RNF19A: variants seen among roughly 807,000 people sequenced by gnomAD.
RNF19A encodes ring finger protein 19A, RBR E3 ubiquitin protein ligase.
In RNF19A, 32 loss-of-function variants were observed where a neutral mutation model predicts 75.7. The ratio of observed to expected loss-of-function variants is 0.42; its 90% CI spans 0.32 to 0.57. The LOEUF is 0.57. Among genes scored for constraint, RNF19A ranks in the 20% least tolerant of loss-of-function variants. RNF19A has a pLI of 0.10. For missense variants in RNF19A, 782 were observed against 1,036.3 expected (o/e 0.75, Z 3.37); for synonymous variants, 335 against 345.2 (o/e 0.97, Z 0.33).
intron 1 of RNF19A, chr8:100,309,588 C>A: frequency 2.1e-6 from 2 of 966,106 alleles, no homozygotes; most frequent in Non-Finnish European, 2.5e-6. Context: ...GGGGCGGATC[C>A]CACGCTCCAC....
intron 1 of RNF19A, among the ~76,000 whole-genome samples, chr8:100,288,885 C>A (rs573078548): frequency 2.6e-5 from 4 of 151,894 alleles, no homozygotes; most frequent in Admixed American, 1.3e-4. Flanking sequence ...ACAGTGAAAC[C>A]CTGTCTCTTT....
chr8:100,287,696 C>T lies in RNF19A; in HGVS notation c.479G>A (p.Arg160Gln), dbSNP rs751593516. The T allele has an allele frequency of 4.3e-6, 7 of 1,613,890 alleles. No homozygotes were observed. The highest frequency in any genetic ancestry group is 5.1e-6 in the Non-Finnish European group (6 of 1,179,886). The change falls in exon 2 of 10, where the codon CGA becomes CAA. Residue 160 changes from arginine (R) to glutamine (Q), a missense_variant. Transcript: ENST00000341084. This position sits in a 1 kb window ranked among gnomAD's most constrained non-coding sequence, Gnocchi z 4.1. ...AGAGATTTCTATCCTTAAATATTGT[C>T]GTAAGCAATCCACACAAGATCTGTG... The part of the protein sequence containing the change: ...CHHRSCVDCL[R>Q]QYLRIEISES...
intron 2 of RNF19A, among the ~76,000 whole-genome samples, chr8:100,278,242 T>C (rs1447274804): frequency 6.6e-6 from 1 of 152,254 alleles, no homozygotes; most frequent in East Asian, 1.9e-4. Context: ...ACATTTCTCA[T>C]AGTTCTGCAC....
upstream of RNF19A, among the ~76,000 whole-genome samples, chr8:100,313,902 CT>C (rs371385291): frequency 7.5e-6 from 1 of 132,602 alleles, no homozygotes; most frequent in African/African-American, 3.0e-5. Flanking sequence ...AAGAGAACTA[CT>C]TTTTTTTTGA....
In RNF19A at chr8:100,333,809, C is replaced by A. The variant is rs926285535; in HGVS notation, c.-243+2299G>T. Among the ~76,000 whole-genome samples the A allele has an allele frequency of 6.6e-6, 1 of 152,156 alleles. No homozygotes were observed. The highest frequency in any genetic ancestry group is 2.4e-5 in the African/African-American group (1 of 41,426). On this transcript the variant is annotated intron_variant, in intron 1 of 3. Coordinates refer to the RNF19A transcript ENST00000519527. The surrounding 1 kb of genome is among the most constrained non-coding windows in gnomAD (Gnocchi z 4.7). ...CTCCAGCCTGGGCAATAGAGTGACA[C>A]CCTGTCTGTAAACAATAACAACAAA...
At position 100,269,392 on chromosome 8, in the gene RNF19A, A is replaced by T. The variant is rs990523737; in HGVS notation, c.1029-445T>A. Among the ~76,000 whole-genome samples the T allele has an allele frequency of 6.6e-6, 1 of 151,958 alleles. No individual in the cohort carries two copies. The highest frequency in any genetic ancestry group is 2.4e-5 in the African/African-American group (1 of 41,426). On this transcript the variant is annotated intron_variant, in intron 4 of 9. Coordinates refer to ENST00000341084, the MANE Select transcript of RNF19A (RefSeq NM_183419.4). This position sits in a 1 kb window ranked among gnomAD's most constrained non-coding sequence, Gnocchi z 5.7. Reference sequence around the variant, plus strand: ...TGAAGTATAAGGTAAGAACCACTGTAAATTATATTAACAAGATACTGATAA... The same window carrying T: ...TGAAGTATAAGGTAAGAACCACTGTTAATTATATTAACAAGATACTGATAA...
At chr8:100,262,063 C>T (rs923331580) in intron 7 of RNF19A, among the ~76,000 whole-genome samples, 1 of 152,078 alleles carries the variant, frequency 6.6e-6, no homozygotes, top group South Asian at 2.1e-4. Context: ...ATTTAAAGAG[C>T]TTATTATTCT....
intron 1 of RNF19A, among the ~76,000 whole-genome samples, chr8:100,293,253 T>G (rs1196040786): frequency 6.6e-6 from 1 of 152,218 alleles, no homozygotes; most frequent in African/African-American, 2.4e-5. Flanking sequence ...ATCTTCAGCC[T>G]CAAGAACTTC....
intron 2 of RNF19A, among the ~76,000 whole-genome samples, chr8:100,278,031 G>A (rs1184210565): frequency 6.6e-6 from 1 of 152,204 alleles, no homozygotes; most frequent in Non-Finnish European, 1.5e-5. Context: ...AAGTTTTAGC[G>A]TGGCCAGTTC....
intron 1 of RNF19A, among the ~76,000 whole-genome samples, chr8:100,335,127 C>T (rs1235926533): frequency 6.6e-6 from 1 of 152,242 alleles, no homozygotes; most frequent in African/African-American, 2.4e-5. Flanking sequence ...AAAACCTCAA[C>T]TATTATCAAC....
At position 100,264,868 on chromosome 8, in the gene RNF19A, T is replaced by C. The variant is rs1181925453; in HGVS notation, c.1192-83A>G. The C allele has an allele frequency of 5.7e-6, 6 of 1,047,962 alleles. No homozygotes were observed. In the African/African-American group the frequency reaches 7.9e-5, roughly 14 times the overall value. The allele number at this position is 1,047,962 out of a possible 1,614,324, so 64.9% of individuals were successfully genotyped here. ...TTAGTTGAAAAAGATCTATACTTGC[T>C]AAAGTGATTTTTCATAGAAGTTCGT... On this transcript the variant is annotated intron_variant, in intron 5 of 9. Transcript: ENST00000341084. This position sits in a 1 kb window ranked among gnomAD's most constrained non-coding sequence, Gnocchi z 4.7.
chr8:100,305,195 AC>A (rs1186236982), intron 1 of RNF19A, among the ~76,000 whole-genome samples: 2 of 152,124 alleles, frequency 1.3e-5, no homozygotes, highest in Non-Finnish European at 2.9e-5. Flanking sequence ...AGCTCCCCAT[AC>A]TGCTGGGATT....
At chr8:100,293,778 G>A (rs1040962423) in intron 1 of RNF19A, among the ~76,000 whole-genome samples, 1 of 152,236 alleles carries the variant, frequency 6.6e-6, no homozygotes, top group East Asian at 1.9e-4. Context: ...CTGAGGCACT[G>A]TTCTTTTTTG....
intron 1 of RNF19A, among the ~76,000 whole-genome samples, chr8:100,302,857 AGAAG>A (rs1821897948): frequency 6.6e-6 from 1 of 152,214 alleles, no homozygotes; most frequent in Non-Finnish European, 1.5e-5. Context: ...CAAAGAGCAA[AGAAG>A]GAGCAAGTTA....
chr8:100,281,502 G>A lies in RNF19A; in HGVS notation c.674+5999C>T, dbSNP rs181710675. Among the ~76,000 whole-genome samples, 1,120 of 152,132 alleles carry A rather than the reference G, an allele frequency of 7.4e-3. 3 individuals are homozygous for A. The highest frequency in any genetic ancestry group is 0.013 in the Non-Finnish European group (853 of 67,990). ...CTATTGATAACATCAAGCAAGTAGG[G>A]ATACCAGATAGGGTGATATATTCTA... On this transcript the variant is annotated intron_variant, in intron 2 of 9. Coordinates refer to ENST00000341084, the MANE Select transcript of RNF19A (RefSeq NM_183419.4).
chr8:100,314,655 C>G (rs1268307816), upstream of RNF19A, among the ~76,000 whole-genome samples: 1 of 152,166 alleles, frequency 6.6e-6, no homozygotes, highest in Non-Finnish European at 1.5e-5. The surrounding 1 kb of genome is among the most constrained non-coding windows in gnomAD (Gnocchi z 4.1). Flanking sequence ...CCTAGCTTTG[C>G]AGATGCTACT....
chr8:100,270,149 T>C, intron 3 of RNF19A, 136 bp from the exon 4 acceptor site: 1 of 597,574 alleles, frequency 1.7e-6, no homozygotes, highest in Non-Finnish European at 2.6e-6. Context: ...CTGCTGTTTT[T>C]AGTATATAAA....
At chr8:100,302,531 T>C (rs956749004) in intron 1 of RNF19A, among the ~76,000 whole-genome samples, 1 of 152,248 alleles carries the variant, frequency 6.6e-6, no homozygotes, top group Non-Finnish European at 1.5e-5. Flanking sequence ...AACACCCGTT[T>C]GACAAGCCCA....
Position 100,309,850 on chromosome 8 carries a change from CGGGT to C in RNF19A, c.-94+13_-94+16del. ...TCCCGCTCCGGGGCGCAAGCTCCTCCGGGTGCCCGCCCGTACCTTTAACTCCTCA... is the reference window on the plus strand; with the variant it reads ...TCCCGCTCCGGGGCGCAAGCTCCTCCGCCCGCCCGTACCTTTAACTCCTCA... On this transcript the variant is annotated intron_variant, in intron 1 of 9. Transcript: ENST00000341084. 1.0e-6 allele frequency: 1 copy of C among 985,602 alleles called. No individual in the cohort carries two copies. Among genetic ancestry groups the C allele is most frequent in the South Asian group, 4.7e-5 (1 of 21,296 alleles). The allele number at this position is 985,602 out of a possible 1,614,324, so 61.1% of individuals were successfully genotyped here.
Sources: gnomAD v4.1 joint callset for allele counts (sites outside exome capture counted in the v4.1 genomes callset) on GRCh38, gnomAD v4.1.1 for gene constraint, Gnocchi (gnomAD v3.1) non-coding constraint, MANE v1.5 for transcripts, NCBI Gene and HGNC (gene_info 2026-07-23, HGNC 2026-07-21) for gene names.